Variants in CREB5 observed in about 807,000 individuals in gnomAD.
CREB5 encodes the protein cAMP responsive element binding protein 5, also known as cyclic AMP-responsive element-binding protein 5.
A neutral mutation model predicts 57.1 loss-of-function variants in CREB5; 19 were observed. The observed-to-expected ratio is 0.33, with a 90% CI of 0.23 to 0.49. The LOEUF is 0.49. CREB5 is among the 20% of genes least tolerant of loss of function. CREB5 has a pLI of 0.99. For synonymous variants in CREB5, 238 were observed against 238.3 expected, an observed-to-expected ratio of 1.00 and a Z score of 0.01; for missense variants, 579 against 671.6, an observed-to-expected ratio of 0.86 and a Z score of 1.52.
intron 5 of CREB5, among the ~76,000 whole-genome samples, chr7:28,695,512 C>T (rs144718053): frequency 4.7e-4 from 72 of 152,272 alleles, no homozygotes; most frequent in African/African-American, 1.6e-3. Flanking sequence ...AGAGACTCCT[C>T]CCTCTGGTCT....
chr7:28,672,805 G>GT (rs895368533), intron 5 of CREB5, among the ~76,000 whole-genome samples: 4 of 152,306 alleles, frequency 2.6e-5, no homozygotes, highest in Middle Eastern at 3.4e-3. Context: ...CCCTAGTTCA[G>GT]TTTTTTCACC....
chr7:28,670,522 T>C (rs1799995804), intron 5 of CREB5, among the ~76,000 whole-genome samples: 3 of 152,238 alleles, frequency 2.0e-5, no homozygotes. Flanking sequence ...TCTGTAGTCA[T>C]TAATGCAGAC....
chr7:28,553,816 G>A (rs1476306662), intron 4 of CREB5, among the ~76,000 whole-genome samples: 3 of 152,240 alleles, frequency 2.0e-5, no homozygotes, highest in Admixed American at 2.0e-4. Flanking sequence ...ACTGGGCTAT[G>A]CTTTGGGGAA....
At chr7:28,342,651 C>T (rs1583692242) in intron 1 of CREB5, among the ~76,000 whole-genome samples, 1 of 152,336 alleles carries the variant, frequency 6.6e-6, no homozygotes, top group Non-Finnish European at 1.5e-5. Flanking sequence ...TAGAATATCA[C>T]TCCATCTCTA....
At chr7:28,573,793 G>A (rs965077329) in intron 5 of CREB5, among the ~76,000 whole-genome samples, 1 of 152,196 alleles carries the variant, frequency 6.6e-6, no homozygotes, top group East Asian at 1.9e-4. Context: ...TGATTTTCAT[G>A]CTTTTTGAAC....
At chr7:28,736,824 C>CT (rs35313065) in intron 7 of CREB5, among the ~76,000 whole-genome samples, 26,178 of 134,656 alleles carry the variant, frequency 0.19, 3,164 homozygotes, top group Non-Finnish European at 0.27. Flanking sequence ...CTCTCTCTCT[C>CT]TTTTTTTTTT....
chr7:28,632,303 T>C (rs1798234781), intron 5 of CREB5, among the ~76,000 whole-genome samples: 6 of 152,154 alleles, frequency 3.9e-5, no homozygotes, highest in Admixed American at 3.9e-4. Context: ...TTCCTCTACC[T>C]CCTGTCCTTG....
At chr7:28,669,748 T>G (rs1282084760) in intron 5 of CREB5, among the ~76,000 whole-genome samples, 1 of 152,226 alleles carries the variant, frequency 6.6e-6, no homozygotes, top group Non-Finnish European at 1.5e-5. Context: ...AAGCATTTAC[T>G]GTTTTACCGT....
chr7:28,579,706 A>G (rs182548775), intron 5 of CREB5, among the ~76,000 whole-genome samples: 4 of 152,346 alleles, frequency 2.6e-5, no homozygotes, highest in Admixed American at 2.0e-4. Flanking sequence ...AGCACTTTAC[A>G]GCTGACCTCC....
At chr7:28,442,941 G>C (rs998919535) in intron 1 of CREB5, among the ~76,000 whole-genome samples, 1 of 152,238 alleles carries the variant, frequency 6.6e-6, no homozygotes, top group Middle Eastern at 3.4e-3. Flanking sequence ...TCCTTACGTA[G>C]GACAGTAATA....
intron 7 of CREB5, among the ~76,000 whole-genome samples, chr7:28,778,025 G>C (rs2128781428): frequency 6.6e-6 from 1 of 152,238 alleles, no homozygotes; most frequent in African/African-American, 2.4e-5. Context: ...ATCCCCAATG[G>C]AGAACGATTT....
At chr7:28,656,922 C>T (rs1308533712) in intron 5 of CREB5, among the ~76,000 whole-genome samples, 1 of 151,894 alleles carries the variant, frequency 6.6e-6, no homozygotes, top group Non-Finnish European at 1.5e-5. Context: ...TCAGTGTCCT[C>T]TTGTTTTAGA....
intron 1 of CREB5, among the ~76,000 whole-genome samples, chr7:28,354,443 G>A (rs985547748): frequency 5.3e-5 from 8 of 152,104 alleles, no homozygotes; most frequent in African/African-American, 1.9e-4. Flanking sequence ...CAGACTCCAG[G>A]TTTTTCAGTT....
intron 5 of CREB5, among the ~76,000 whole-genome samples, chr7:28,668,594 G>A (rs889666775): frequency 4.6e-5 from 7 of 152,162 alleles, no homozygotes; most frequent in Non-Finnish European, 4.4e-5. Context: ...GAAGGGAGAA[G>A]GAAGTATGTA....
intron 5 of CREB5, among the ~76,000 whole-genome samples, chr7:28,643,742 T>G (rs1434094396): frequency 8.2e-6 from 1 of 121,494 alleles, no homozygotes. Flanking sequence ...AGTTCACGGG[T>G]TTGGGAGGTG....
rs763712573 is a variant in CREB5, at chr7:28,494,921, G to A, written c.91G>A (p.Asp31Asn). The change falls in exon 3 of 11, where the codon GAC (aspartate) becomes AAC (asparagine). Residue 31 changes from aspartate (D) to asparagine (N), a missense_variant. Transcript: ENST00000357727. ...CGTCCGACAGCGCTTCCCAACAGAG[G>A]ACCATCTGATGATTCATAGGCACAA... ...PGCSQRFPTE[D>N]HLMIHRHKHE... The A allele has an allele frequency of 3.7e-6, 6 of 1,601,874 alleles. No individual in the cohort carries two copies. Among genetic ancestry groups the A allele is most frequent in the Non-Finnish European group, 5.1e-6 (6 of 1,177,082 alleles).
At chr7:28,446,966 C>T (rs947329857) in intron 1 of CREB5, among the ~76,000 whole-genome samples, 1 of 152,174 alleles carries the variant, frequency 6.6e-6, no homozygotes, top group Non-Finnish European at 1.5e-5. Context: ...TTCCTATTCC[C>T]ATCTGTGACA....
At chr7:28,351,425 G>C (rs1786182648) in intron 1 of CREB5, among the ~76,000 whole-genome samples, 1 of 152,212 alleles carries the variant, frequency 6.6e-6, no homozygotes, top group African/African-American at 2.4e-5. Flanking sequence ...TGTTTGCAAA[G>C]GAGCCAAGGG....
At chr7:28,794,790 G>C (rs1045746292) in intron 7 of CREB5, among the ~76,000 whole-genome samples, 1 of 151,984 alleles carries the variant, frequency 6.6e-6, no homozygotes, top group African/African-American at 2.4e-5. Flanking sequence ...CTGCCCAGAA[G>C]TTGAACCCAA....
Sources: gnomAD v4.1 joint callset for allele counts (sites outside exome capture counted in the v4.1 genomes callset) on GRCh38, gnomAD v4.1.1 for gene constraint, MANE v1.5 for transcripts, NCBI Gene and HGNC (gene_info 2026-07-23, HGNC 2026-07-21) for gene names.